Variants in PNLIPRP3 observed in about 807,000 individuals in gnomAD.
PNLIPRP3 encodes pancreatic lipase related protein 3.
A neutral mutation model predicts 52.8 loss-of-function variants in PNLIPRP3; 58 were observed. The observed-to-expected ratio is 1.10, with a 90% CI of 0.89 to 1.37. The LOEUF (loss-of-function observed/expected upper bound fraction) is 1.37, where lower values mean the gene tolerates loss of function less well. PNLIPRP3 is among the 40% of genes most tolerant of loss of function. The pLI is 0.00. For missense variants in PNLIPRP3, 593 were observed against 561.6 expected (o/e 1.06, Z -0.57); for synonymous variants, 192 against 185.0 (o/e 1.04, Z -0.31).
chr10:116,455,633 T>A (rs1489097986), intron 4 of PNLIPRP3, 89 bp from the exon 5 acceptor site: 107 of 869,576 alleles, frequency 1.2e-4, no homozygotes, highest in Non-Finnish European at 1.5e-5. Flanking sequence ...AGAACCATGT[T>A]GATCCTTTTT....
intron 7 of PNLIPRP3, among the ~76,000 whole-genome samples, chr10:116,463,093 CTTTG>C (rs973488913): frequency 3.6e-4 from 55 of 152,294 alleles, no homozygotes; most frequent in African/African-American, 1.3e-3. Context: ...TAAGAGAAGT[CTTTG>C]TTTAATAAAA....
Position 116,428,063 on chromosome 10 carries a change from T to A in PNLIPRP3, c.49+2T>A, listed in dbSNP as rs945102518. The A allele has an allele frequency of 1.3e-6, 2 of 1,593,238 alleles. No homozygotes were observed. Among genetic ancestry groups the A allele is most frequent in the Non-Finnish European group, 1.7e-6 (2 of 1,162,842 alleles). ...TCTTGTTCTTTGGCACATCAAGAGG[T>A]AAGATTCATAATTTATAATAAGTTC... On this transcript the variant is annotated splice_donor_variant, in intron 1 of 11. Transcript: ENST00000369230. LOFTEE classifies it high-confidence loss of function.
At chr10:116,447,199 G>A (rs978926544) in intron 4 of PNLIPRP3, among the ~76,000 whole-genome samples, 1 of 152,110 alleles carries the variant, frequency 6.6e-6, no homozygotes, top group African/African-American at 2.4e-5. Context: ...TTTCTGTCTT[G>A]ACTCTCTTGG....
At chr10:116,464,679 G>A (rs1463527273) in intron 7 of PNLIPRP3, among the ~76,000 whole-genome samples, 1 of 152,214 alleles carries the variant, frequency 6.6e-6, no homozygotes, top group East Asian at 1.9e-4. Flanking sequence ...ACTTGGAGAT[G>A]GCAGGAACCA....
At chr10:116,439,683 G>A (rs944279967) in intron 2 of PNLIPRP3, 7 of 766,648 alleles carry the variant, frequency 9.1e-6, no homozygotes, top group Middle Eastern at 3.5e-4. Context: ...TTTTTGCCAC[G>A]TCTCCAATAG....
intron 10 of PNLIPRP3, among the ~76,000 whole-genome samples, chr10:116,476,131 G>A (rs542331920): frequency 5.3e-5 from 8 of 152,218 alleles, no homozygotes; most frequent in East Asian, 1.9e-4. Flanking sequence ...CTCTATTGCC[G>A]TGATCAACAA....
intron 1 of PNLIPRP3, among the ~76,000 whole-genome samples, chr10:116,433,589 T>C (rs1046879599): frequency 6.6e-6 from 1 of 152,184 alleles, no homozygotes; most frequent in African/African-American, 2.4e-5. Context: ...GTAGATTGTA[T>C]TGTTGTTCCC....
chr10:116,433,705 G>C (rs191160454), intron 1 of PNLIPRP3, among the ~76,000 whole-genome samples: 1 of 151,628 alleles, frequency 6.6e-6, no homozygotes, highest in East Asian at 1.9e-4. Flanking sequence ...GCCTTTGCAT[G>C]GTTCCACAGT....
rs1423940647 is a variant in PNLIPRP3, at chr10:116,439,988, C to T, written c.205-3067C>T. 1.4e-5 allele frequency: 11 copies of T among 787,656 alleles called. 1 individual carries two copies. The highest frequency in any genetic ancestry group is 4.9e-5 in the East Asian group (2 of 41,158). The allele number at this position is 787,656 out of a possible 1,614,324, so 48.8% of individuals were successfully genotyped here. A position where few individuals can be genotyped will look rare whatever the true frequency, so the allele number is the denominator to read the frequency against. On this transcript the variant is annotated intron_variant, in intron 2 of 11. Coordinates refer to ENST00000369230, the MANE Select transcript of PNLIPRP3 (RefSeq NM_001011709.3). The stretch of plus-strand genomic sequence containing the variant: ...TTATGTTCTTCTCTGCACGTCTGCA[C>T]GAAGAAGGCATAAGCAGACATCTTG...
At chr10:116,446,132 G>A (rs1009613347) in intron 4 of PNLIPRP3, among the ~76,000 whole-genome samples, 2 of 152,078 alleles carry the variant, frequency 1.3e-5, no homozygotes, top group African/African-American at 2.4e-5. Context: ...AGATCACAAG[G>A]TCAGGAGATC....
At chr10:116,439,755 AG>A in intron 2 of PNLIPRP3, 1 of 770,358 alleles carries the variant, frequency 1.3e-6, no homozygotes, top group Middle Eastern at 3.4e-4. Context: ...GGAAGAATCC[AG>A]ACGGTGGCCT....
At chr10:116,449,873 A>G (rs1178725718) in intron 4 of PNLIPRP3, among the ~76,000 whole-genome samples, 3 of 152,220 alleles carry the variant, frequency 2.0e-5, no homozygotes, top group African/African-American at 4.8e-5. Flanking sequence ...AGCCAACTCA[A>G]GAAGATTGCA....
At chr10:116,475,663 AG>A (rs1846451430) in intron 10 of PNLIPRP3, among the ~76,000 whole-genome samples, 1 of 152,238 alleles carries the variant, frequency 6.6e-6, no homozygotes, top group Admixed American at 6.5e-5. Flanking sequence ...GCAAATATGT[AG>A]GTGCCTACGC....
chr10:116,456,096 C>T (rs1007853488), intron 5 of PNLIPRP3, among the ~76,000 whole-genome samples: 1 of 152,150 alleles, frequency 6.6e-6, no homozygotes. Context: ...GCAATTATAA[C>T]ACATTCCATC....
At chr10:116,433,322 A>C (rs1193699618) in intron 1 of PNLIPRP3, among the ~76,000 whole-genome samples, 1 of 152,066 alleles carries the variant, frequency 6.6e-6, no homozygotes. Context: ...AAAGGAAGCA[A>C]ATTTCTCTAC....
intron 5 of PNLIPRP3, among the ~76,000 whole-genome samples, chr10:116,460,614 TTTTAA>T (rs778609937): frequency 2.0e-5 from 3 of 152,190 alleles, no homozygotes; most frequent in South Asian, 2.1e-4. Flanking sequence ...GTGGTTGTGT[TTTTAA>T]TTTAATTTAA....
chr10:116,462,472 T>C (rs1458895691), intron 7 of PNLIPRP3, among the ~76,000 whole-genome samples: 1 of 152,016 alleles, frequency 6.6e-6, no homozygotes. Flanking sequence ...GATCATAGTA[T>C]TGAGTGTAAC....
At chr10:116,467,993 C>T (rs964114596) in intron 8 of PNLIPRP3, among the ~76,000 whole-genome samples, 22 of 151,480 alleles carry the variant, frequency 1.5e-4, no homozygotes, top group African/African-American at 2.7e-4. Flanking sequence ...GGCGTGGTGG[C>T]GGGTGCCTGT....
At chr10:116,462,562 A>G (rs1037797544) in intron 7 of PNLIPRP3, among the ~76,000 whole-genome samples, 1 of 152,128 alleles carries the variant, frequency 6.6e-6, no homozygotes, top group African/African-American at 2.4e-5. Flanking sequence ...AGAAGTATAT[A>G]TTTGTAATGA....
Sources: allele counts gnomAD v4.1 joint callset (sites outside exome capture counted in the v4.1 genomes callset), GRCh38; gene constraint gnomAD v4.1.1; transcripts MANE v1.5; gene names NCBI Gene and HGNC (gene_info 2026-07-23, HGNC 2026-07-21).